Variants in EDRF1 observed in about 807,000 individuals in gnomAD.
EDRF1 encodes erythroid differentiation regulatory factor 1.
A neutral mutation model predicts 148.7 loss-of-function variants in EDRF1; 69 were observed. The ratio of observed to expected loss-of-function variants is 0.46; its 90% CI spans 0.38 to 0.57. The LOEUF is 0.57. Ranked by LOEUF, EDRF1 falls within the 20% of genes least tolerant of loss-of-function variation. The pLI is 0.00. For synonymous variants in EDRF1, 515 were observed against 532.8 expected (o/e 0.97, Z 0.46); for missense variants, 1,118 against 1,478.7 (o/e 0.76, Z 4.00).
At chr10:125,727,662 G>A (rs1295285390) in intron 6 of EDRF1, among the ~76,000 whole-genome samples, 4 of 152,194 alleles carry the variant, frequency 2.6e-5, no homozygotes, top group African/African-American at 7.2e-5. Context: ...AGAGCCACCT[G>A]TGCTTATAGT....
chr10:125,761,264 T>C lies in EDRF1; in HGVS notation c.3546-2037T>C, dbSNP rs150743543. 8.2e-5 allele frequency: 32 copies of C among 391,010 alleles called. No individual in the cohort carries two copies. In the East Asian group the frequency reaches 2.2e-3, roughly 27 times the overall value. 24.2% of individuals were successfully genotyped at this position (391,010 alleles called of 1,614,324 possible). ...ATTTCATCATCATATGACAACTGCA[T>C]TGGCATTGACCTGCTAGAAATTCTA... On this transcript the variant is annotated intron_variant, in intron 24 of 24. Transcript: ENST00000356792.
chr10:125,755,732 T>C (rs985486151), intron 24 of EDRF1, among the ~76,000 whole-genome samples: 1 of 152,228 alleles, frequency 6.6e-6, no homozygotes, highest in South Asian at 2.1e-4. Context: ...ATCATCTAAA[T>C]TGTCAAATGT....
rs139949527 is a variant in EDRF1 at position 125,734,275 on chromosome 10, C to T, written c.1497+92C>T. 1.2e-3 allele frequency: 1,115 copies of T among 941,942 alleles called. 5 individuals are homozygous for T. In the African/African-American group the frequency reaches 0.016, roughly 14 times the overall value. 58.3% of individuals were successfully genotyped at this position (941,942 alleles called of 1,614,324 possible). A position where few individuals can be genotyped will look rare whatever the true frequency, so the allele number is the denominator to read the frequency against. ...CAGTAAAGCCTCCTGATTCATATTCCGTAACTGCCCTATTCAGTGTGGTAG... is the reference window on the plus strand; with the variant it reads ...CAGTAAAGCCTCCTGATTCATATTCTGTAACTGCCCTATTCAGTGTGGTAG... On this transcript the variant is annotated intron_variant, in intron 12 of 24. Coordinates refer to ENST00000356792, the MANE Select transcript of EDRF1 (RefSeq NM_001202438.2).
intron 7 of EDRF1, 125 bp from the exon 8 acceptor site, chr10:125,729,233 G>C: frequency 6.9e-7 from 1 of 1,459,266 alleles, no homozygotes; most frequent in Non-Finnish European, 9.4e-7. Flanking sequence ...AAGCATCTTT[G>C]TGATCTTAGC....
At chr10:125,731,981 T>G (rs1848498421) in intron 9 of EDRF1, 1 of 407,760 alleles carries the variant, frequency 2.5e-6, no homozygotes. Flanking sequence ...TTTGTGCCTC[T>G]CTCTGGCTGA....
At chr10:125,735,987 A>G in intron 13 of EDRF1, 83 bp downstream of exon 13, 2 of 1,251,568 alleles carry the variant, frequency 1.6e-6, no homozygotes, top group Non-Finnish European at 2.3e-6. Context: ...AAAAGATACC[A>G]TTACTTCAAT....
rs1564738520 is a variant in EDRF1, at chr10:125,735,707, G to A, written c.1561G>A (p.Glu521Lys). The change falls in exon 13 of 25, where the codon GAA (glutamate) becomes AAA (lysine). Residue 521 changes from glutamate to lysine, a missense_variant. Around this residue, in one of 3 missense-constraint regions of EDRF1, gnomAD observed 954 missense variants for 1,241.4 expected, o/e 0.77. Transcript: ENST00000356792. The part of the protein sequence containing the change: ...LFQLDEPKKE[E>K]NSESPLNENS... ...TCAATTGGATGAACCTAAAAAGGAA[G>A]AAAATTCAGAATCTCCTTTAAATGA... The A allele has an allele frequency of 1.2e-6, 2 of 1,613,530 alleles. No individual in the cohort carries two copies. The highest frequency in any genetic ancestry group is 1.7e-6 in the Non-Finnish European group (2 of 1,179,618).
chr10:125,721,472 T>C, intron 2 of EDRF1, 60 bp downstream of exon 2: 1 of 1,486,462 alleles, frequency 6.7e-7, no homozygotes, highest in Non-Finnish European at 9.3e-7. Context: ...AACTCTTATT[T>C]GCTTTTAAAT....
chr10:125,757,609 G>A (rs1237989553), intron 24 of EDRF1, among the ~76,000 whole-genome samples: 1 of 152,130 alleles, frequency 6.6e-6, no homozygotes, highest in African/African-American at 2.4e-5. Flanking sequence ...TTAGCATTTA[G>A]CATTTGTAGG....
chr10:125,730,440 T>C lies in EDRF1; in HGVS notation c.1128+41T>C, dbSNP rs374511897. On this transcript the variant is annotated intron_variant, in intron 9 of 24. Transcript: ENST00000356792. ...ATTTTTCTGATCTCTCAAATGCAAATTGGTACAGAGAGTTCCTCACCAAAG... is the reference window on the plus strand; with the variant it reads ...ATTTTTCTGATCTCTCAAATGCAAACTGGTACAGAGAGTTCCTCACCAAAG... The C allele has an allele frequency of 5.7e-5, 87 of 1,523,474 alleles. No homozygotes were observed. In the Admixed American group the frequency reaches 6.3e-4, roughly 11 times the overall value. 94.4% of individuals were successfully genotyped at this position (1,523,474 alleles called of 1,614,324 possible).
chr10:125,748,075 G>C (rs1564748615), intron 21 of EDRF1, 63 bp downstream of exon 21: 1 of 1,590,646 alleles, frequency 6.3e-7, no homozygotes, highest in Admixed American at 1.7e-5. Context: ...GGTGCTTTTT[G>C]TTTTTTTAAC....
Position 125,719,857 on chromosome 10 carries a change from C to A in EDRF1, c.50C>A (p.Ala17Asp). Residue 17 changes from alanine (A) to aspartate (D), a missense_variant, in exon 1 of 25, where the codon GCC becomes GAC. Transcript: ENST00000356792. ...AGAEGPPAGA[A>D]ARGGLSLLSQ... ...GCCGAGGGTCCGCCGGCCGGGGCCGCCGCTCGAGGAGGGCTCAGCCTCCTG... is the reference window on the plus strand; with the variant it reads ...GCCGAGGGTCCGCCGGCCGGGGCCGACGCTCGAGGAGGGCTCAGCCTCCTG... 4 of 1,612,874 alleles carry A rather than the reference C, an allele frequency of 2.5e-6. No individual in the cohort carries two copies. In the South Asian group the frequency reaches 4.4e-5, roughly 18 times the overall value.
At chr10:125,735,931 T>G in intron 13 of EDRF1, 27 bp downstream of exon 13, 3 of 1,566,636 alleles carry the variant, frequency 1.9e-6, no homozygotes, top group Non-Finnish European at 2.6e-6. Context: ...TATATTAAAT[T>G]TTTATCAAGG....
chr10:125,724,381 C>T (rs114226029), intron 4 of EDRF1, among the ~76,000 whole-genome samples: 3,179 of 152,164 alleles, frequency 0.021, 135 homozygotes, highest in African/African-American at 0.072. Context: ...CTGCATATAC[C>T]GGTGGTCCCA....
At chr10:125,723,768 TA>T in intron 3 of EDRF1, 42 bp from the exon 4 acceptor site, 1 of 1,572,896 alleles carries the variant, frequency 6.4e-7, no homozygotes, top group Non-Finnish European at 8.7e-7. Context: ...CAAATCACAC[TA>T]AAACAGTCTT....
intron 24 of EDRF1, among the ~76,000 whole-genome samples, chr10:125,762,524 C>T (rs1850239347): frequency 6.6e-6 from 1 of 151,842 alleles, no homozygotes; most frequent in African/African-American, 2.4e-5. Flanking sequence ...TATGAACTGC[C>T]ACGTAATTAC....
chr10:125,745,427 C>G (rs1046883272), intron 18 of EDRF1: 11 of 454,152 alleles, frequency 2.4e-5, no homozygotes, highest in Non-Finnish European at 4.5e-5. Flanking sequence ...CCCACCCTTA[C>G]AATCTCATTT....
At position 125,734,103 on chromosome 10, in the gene EDRF1, C is replaced by G; in HGVS notation, c.1417C>G (p.Gln473Glu). 6.2e-7 allele frequency: 1 copy of G among 1,613,094 alleles called. No homozygotes were observed. Among genetic ancestry groups the G allele is most frequent in the Non-Finnish European group, 8.5e-7 (1 of 1,179,276 alleles). The change falls in exon 12 of 25, where the codon CAA becomes GAA. Residue 473 changes from glutamine (Q) to glutamate (E), a missense_variant. Physicochemically the swap from Gln to Glu is conservative, Grantham distance 29 (BLOSUM62 2). This residue lies in a region of EDRF1 where 954 missense variants were observed against 1,241.4 expected (regional missense o/e 0.77). Coordinates refer to ENST00000356792, the MANE Select transcript of EDRF1 (RefSeq NM_001202438.2). ...TTGCAACATGATGATGAAGAAGAAT[C>G]AAAATAAGAAACACTATGGAACTAT... ...VACNMMMKKN[Q>E]NKKHYGTIRT...
Position 125,734,092 on chromosome 10 carries a change from TGAA to T in EDRF1, c.1413_1415del (p.Lys471del), listed in dbSNP as rs773000225. ...TTTAGGGTTGCTTGCAACATGATGA[TGAA>T]GAAGAATCAAAATAAGAAACACTAT... On this transcript the variant is annotated inframe_deletion, in exon 12 of 25. Transcript: ENST00000356792. 3.7e-6 allele frequency: 6 copies of T among 1,613,098 alleles called. No individual in the cohort carries two copies. The highest frequency in any genetic ancestry group is 2.2e-5 in the South Asian group (2 of 91,066).
Sources: allele counts gnomAD v4.1 joint callset (sites outside exome capture counted in the v4.1 genomes callset), GRCh38; gene constraint gnomAD v4.1.1; regional missense constraint gnomAD v4.1.1; transcripts MANE v1.5; gene names NCBI Gene and HGNC (gene_info 2026-07-23, HGNC 2026-07-21).